GRIP1: variants seen among roughly 807,000 people sequenced by gnomAD.
GRIP1 encodes the protein glutamate receptor-interacting protein 1.
Under a neutral mutation model 129.9 loss-of-function variants are expected in GRIP1, and 45 were observed. The observed-to-expected ratio is 0.35, with a 90% confidence interval of 0.27 to 0.44. The LOEUF (loss-of-function observed/expected upper bound fraction) is 0.44, where lower values mean the gene tolerates loss of function less well. Ranked by LOEUF, GRIP1 falls within the 20% of genes least tolerant of loss-of-function variation. GRIP1 has a pLI of 1.00. For missense variants in GRIP1, 1,196 were observed against 1,396.8 expected (o/e 0.86, Z 2.29); for synonymous variants, 530 against 520.8 (o/e 1.02, Z -0.24).
rs771099135 is a variant in GRIP1, at chr12:66,394,363, T to G, written c.1985-11A>C. On this transcript the variant is annotated splice_polypyrimidine_tract_variant and intron_variant, in intron 16 of 24. Coordinates refer to ENST00000359742, the MANE Select transcript of GRIP1 (RefSeq NM_001366722.1). ...AACTTTCTTGCTCATCTGTAATAAA[T>G]GCCAAGGAATCATAATTGATTTCTT... is the stretch of plus-strand genomic sequence containing the variant. The G allele has an allele frequency of 5.6e-6, 9 of 1,612,936 alleles. No individual in the cohort carries two copies. The Admixed American group carries it at 6.7e-5, about 12-fold the overall frequency.
At chr12:66,858,335 C>T (rs2040043015) in intron 1 of GRIP1, among the ~76,000 whole-genome samples, 1 of 151,872 alleles carries the variant, frequency 6.6e-6, no homozygotes, top group South Asian at 2.1e-4. Context: ...TTACTTTCAA[C>T]ACCATAGGTT....
chr12:66,672,469 A>C (rs2034127448), intron 1 of GRIP1, among the ~76,000 whole-genome samples: 1 of 152,030 alleles, frequency 6.6e-6, no homozygotes, highest in African/African-American at 2.4e-5. Context: ...AAGGAGCTAC[A>C]TGTAATAAAT....
chr12:66,453,398 T>C (rs891071149), intron 11 of GRIP1, among the ~76,000 whole-genome samples: 1 of 152,252 alleles, frequency 6.6e-6, no homozygotes, highest in Middle Eastern at 3.4e-3. Flanking sequence ...CACAAAGCCA[T>C]TATCTGTTAA....
intron 1 of GRIP1, among the ~76,000 whole-genome samples, chr12:66,990,026 T>G (rs1437420608): frequency 6.6e-6 from 1 of 152,236 alleles, no homozygotes; most frequent in Non-Finnish European, 1.5e-5. Context: ...CTAAGATTCC[T>G]AGAAGGCGGA....
At chr12:66,507,733 G>T (rs1016576225) in intron 7 of GRIP1, among the ~76,000 whole-genome samples, 4 of 151,950 alleles carry the variant, frequency 2.6e-5, no homozygotes, top group Non-Finnish European at 4.4e-5. Flanking sequence ...GCTGGGCAAA[G>T]ATATAATACC....
chr12:66,399,620 A>G lies in GRIP1; in HGVS notation c.1985-5268T>C, dbSNP rs541016522. 2.4e-3 allele frequency among the ~76,000 whole-genome samples: 370 copies of G among 152,112 alleles called. 8 individuals are homozygous for G. Among genetic ancestry groups the G allele is most frequent in the African/African-American group, 7.9e-3 (327 of 41,340 alleles). On this transcript the variant is annotated intron_variant, in intron 16 of 24. Coordinates refer to ENST00000359742, the MANE Select transcript of GRIP1 (RefSeq NM_001366722.1). Reference sequence around the variant, plus strand: ...CTGCTCAGCTCTAGTTAACAAAATTAATGGAAGCACGGAACAGATGCAAAA... The same window carrying G: ...CTGCTCAGCTCTAGTTAACAAAATTGATGGAAGCACGGAACAGATGCAAAA...
intron 7 of GRIP1, among the ~76,000 whole-genome samples, chr12:66,509,927 C>G (rs1004575486): frequency 1.3e-5 from 2 of 151,880 alleles, no homozygotes; most frequent in East Asian, 1.9e-4. Flanking sequence ...CCTGCACATC[C>G]TGCACATGTA....
intron 1 of GRIP1, among the ~76,000 whole-genome samples, chr12:66,770,471 G>A (rs1167727191): frequency 1.3e-5 from 2 of 152,168 alleles, no homozygotes; most frequent in African/African-American, 4.8e-5. Flanking sequence ...GAAGGATTCA[G>A]GTCTTGCACA....
chr12:66,364,287 A>AAAAAAAAAAAAAAAAAAG, intron 23 of GRIP1, among the ~76,000 whole-genome samples: 1 of 125,920 alleles, frequency 7.9e-6, no homozygotes, highest in Non-Finnish European at 1.6e-5. Context: ...AAAAAAAAAA[A>AAAAAAAAAAAAAAAAAAG]AAAGAAAGAA....
At chr12:66,466,126 C>T (rs747518448) in intron 7 of GRIP1, among the ~76,000 whole-genome samples, 14 of 152,190 alleles carry the variant, frequency 9.2e-5, no homozygotes, top group Non-Finnish European at 1.9e-4. Context: ...CTCCTTCTAA[C>T]ATTTGCATAC....
chr12:66,733,538 G>A (rs2036505110), intron 1 of GRIP1, among the ~76,000 whole-genome samples: 1 of 152,108 alleles, frequency 6.6e-6, no homozygotes, highest in Admixed American at 6.5e-5. Flanking sequence ...CTTGGGGCCT[G>A]AGGTAACAAC....
At chr12:66,818,328 T>C (rs1228288468) in intron 1 of GRIP1, among the ~76,000 whole-genome samples, 1 of 152,228 alleles carries the variant, frequency 6.6e-6, no homozygotes, top group Non-Finnish European at 1.5e-5. Flanking sequence ...TTCATAATGG[T>C]AGATACAAGT....
At chr12:66,602,652 G>C (rs1223234486) in intron 1 of GRIP1, among the ~76,000 whole-genome samples, 9 of 152,062 alleles carry the variant, frequency 5.9e-5, no homozygotes, top group South Asian at 2.1e-4. Context: ...GCAAGAAGCA[G>C]AGGCAGTGTG....
intron 1 of GRIP1, among the ~76,000 whole-genome samples, chr12:66,660,952 A>T (rs1232332869): frequency 6.6e-6 from 1 of 152,008 alleles, no homozygotes; most frequent in Non-Finnish European, 1.5e-5. Flanking sequence ...ATATTATACA[A>T]ATATATCATC....
At chr12:66,413,343 CCT>C (rs2057469691) in intron 15 of GRIP1, among the ~76,000 whole-genome samples, 1 of 152,082 alleles carries the variant, frequency 6.6e-6, no homozygotes, top group Non-Finnish European at 1.5e-5. Context: ...ACAGCCTGCC[CCT>C]GAGTGAACCT....
intron 1 of GRIP1, among the ~76,000 whole-genome samples, chr12:66,705,678 A>G (rs2035503548): frequency 6.6e-6 from 1 of 152,188 alleles, no homozygotes; most frequent in Admixed American, 6.6e-5. Context: ...ACAGTAACCA[A>G]AACAGCATGG....
At chr12:66,881,727 C>A (rs1471879851) in intron 1 of GRIP1, among the ~76,000 whole-genome samples, 1 of 152,050 alleles carries the variant, frequency 6.6e-6, no homozygotes, top group African/African-American at 2.4e-5. Flanking sequence ...ACCCAGGACC[C>A]TTGGACTAGG....
At chr12:66,641,821 T>C (rs1018684415) in intron 1 of GRIP1, among the ~76,000 whole-genome samples, 2 of 152,182 alleles carry the variant, frequency 1.3e-5, no homozygotes, top group Non-Finnish European at 2.9e-5. Flanking sequence ...TCACCTAGCA[T>C]TGTTCAGATC....
At chr12:66,774,568 C>A (rs2136745999) in intron 1 of GRIP1, among the ~76,000 whole-genome samples, 1 of 152,228 alleles carries the variant, frequency 6.6e-6, no homozygotes, top group South Asian at 2.1e-4. Flanking sequence ...GAGGTGTAGA[C>A]TTAACTTTGG....
Sources: gnomAD v4.1 joint callset for allele counts (sites outside exome capture counted in the v4.1 genomes callset) on GRCh38, gnomAD v4.1.1 for gene constraint, MANE v1.5 for transcripts, NCBI Gene and HGNC (gene_info 2026-07-23, HGNC 2026-07-21) for gene names.